The following U2SURP variants were observed in gnomAD, a reference collection of about 807,000 sequenced individuals.
U2SURP encodes U2 snRNP-associated SURP motif-containing protein.
In U2SURP, 9 loss-of-function variants were observed where a neutral mutation model predicts 144.9. The ratio of observed to expected loss-of-function variants is 0.06; its 90% CI spans 0.04 to 0.11. U2SURP has a LOEUF of 0.11. Ranked by LOEUF, U2SURP falls within the 10% of genes least tolerant of loss-of-function variation. The probability of loss-of-function intolerance (pLI) is 1.00; values close to 1 mark genes in which losing one functional copy is unlikely to be tolerated. For missense variants in U2SURP, 724 were observed against 1,226.7 expected (o/e 0.59, Z 6.12); for synonymous variants, 408 against 396.8 (o/e 1.03, Z -0.33).
chr3:143,007,012 TTAAAGTAAAA>T (rs1414095570), intron 1 of U2SURP, among the ~76,000 whole-genome samples: 6 of 152,194 alleles, frequency 3.9e-5, no homozygotes, highest in Non-Finnish European at 7.3e-5. Flanking sequence ...GGGTTTTCAC[TTAAAGTAAAA>T]TTGGAGCAGC....
chr3:143,012,169 T>TTAG (rs1936147137), intron 2 of U2SURP, 53 bp from the exon 3 acceptor site: 2 of 1,583,722 alleles, frequency 1.3e-6, no homozygotes, highest in Non-Finnish European at 1.7e-6. Context: ...TTCAGTGCTA[T>TTAG]ATATGTATAT....
rs1560188181 is a variant in U2SURP at position 143,027,139 on chromosome 3, G to A, written c.1275-10G>A. 1.2e-6 allele frequency: 2 copies of A among 1,605,908 alleles called. No individual in the cohort carries two copies. The highest frequency in any genetic ancestry group is 1.3e-5 in the African/African-American group (1 of 74,812). ...TGAATCCATTTTCTTTAACTGTGTT[G>A]TTGTTGTAGGAATTTGCTCGCCCTG... On this transcript the variant is annotated splice_polypyrimidine_tract_variant and intron_variant, in intron 13 of 27. Transcript: ENST00000473835.
chr3:143,009,461 G>A (rs1936008683), intron 1 of U2SURP, among the ~76,000 whole-genome samples: 1 of 152,086 alleles, frequency 6.6e-6, no homozygotes, highest in African/African-American at 2.4e-5. Context: ...AGCCAGGCAT[G>A]GTGGTGCGTG....
intron 24 of U2SURP, among the ~76,000 whole-genome samples, chr3:143,047,196 G>C (rs1263825911): frequency 1.1e-5 from 1 of 93,188 alleles, no homozygotes; most frequent in Non-Finnish European, 2.0e-5. Flanking sequence ...CCTCCCTCCC[G>C]GACGGGGCGG....
intron 25 of U2SURP, among the ~76,000 whole-genome samples, chr3:143,053,022 G>A (rs1934967211): frequency 6.7e-6 from 1 of 148,514 alleles, no homozygotes; most frequent in Non-Finnish European, 1.5e-5. Context: ...AATTTGCAGT[G>A]TAATTGGTAC....
At chr3:143,041,395 A>T (rs1404648963) in intron 23 of U2SURP, among the ~76,000 whole-genome samples, 1 of 151,960 alleles carries the variant, frequency 6.6e-6, no homozygotes, top group Non-Finnish European at 1.5e-5. Context: ...GAATATTTTT[A>T]AACTGTTGGT....
At chr3:143,043,013 A>G (rs559513332) in intron 23 of U2SURP, 104 bp from the exon 24 acceptor site, 96 of 1,135,008 alleles carry the variant, frequency 8.5e-5, no homozygotes, top group African/African-American at 3.1e-4. Context: ...TGTTTTGGCT[A>G]TGTTATTTAA....
chr3:143,043,686 G>A (rs1934241909), intron 24 of U2SURP, among the ~76,000 whole-genome samples: 1 of 150,060 alleles, frequency 6.7e-6, no homozygotes, highest in Non-Finnish European at 1.5e-5. Context: ...GAGATCCTCT[G>A]AAGAAATGGA....
chr3:143,053,919 C>A, intron 26 of U2SURP, 125 bp downstream of exon 26: 1 of 804,622 alleles, frequency 1.2e-6, no homozygotes, highest in Non-Finnish European at 1.9e-6. Context: ...TGTTTGGGTC[C>A]TGCTTGCAGA....
chr3:143,050,398 C>G (rs1020759788), intron 24 of U2SURP, among the ~76,000 whole-genome samples: 3 of 152,088 alleles, frequency 2.0e-5, no homozygotes, highest in Non-Finnish European at 2.9e-5. Context: ...AGTATTTGCT[C>G]TTACTGTCTC....
intron 1 of U2SURP, among the ~76,000 whole-genome samples, chr3:143,003,351 CAA>C (rs1212321488): frequency 1.3e-5 from 2 of 152,154 alleles, no homozygotes; most frequent in Non-Finnish European, 2.9e-5. Context: ...ATTTTGTTAA[CAA>C]GAGATTTGGG....
chr3:143,059,017 T>G lies in U2SURP; in HGVS notation c.*2567T>G, dbSNP rs149920065. The G allele has an allele frequency of 3.3e-5, 5 of 152,176 alleles. No homozygotes were observed. 9.4% of individuals were successfully genotyped at this position (152,176 alleles called of 1,614,324 possible). ...AATGACATTTAACTCCCCTCTCTTCTGTAGGTGAGAGAAAATAAGTAAGTC... is the reference window on the plus strand; with the variant it reads ...AATGACATTTAACTCCCCTCTCTTCGGTAGGTGAGAGAAAATAAGTAAGTC... On this transcript the variant is annotated 3_prime_UTR_variant, in exon 28 of 28. Coordinates refer to ENST00000473835, the MANE Select transcript of U2SURP (RefSeq NM_001080415.2).
At chr3:143,053,096 C>CT (rs1934970652) in intron 25 of U2SURP, among the ~76,000 whole-genome samples, 1 of 151,944 alleles carries the variant, frequency 6.6e-6, no homozygotes, top group Non-Finnish European at 1.5e-5. Flanking sequence ...CTTTTCTAGC[C>CT]TTTTTTCTTT....
chr3:143,015,435 G>GT (rs71629553), intron 4 of U2SURP, among the ~76,000 whole-genome samples: 102,512 of 151,740 alleles, frequency 0.68, 34,822 homozygotes, highest in African/African-American at 0.75. Context: ...TGGTTTTTCA[G>GT]TTTTTTCCAT....
chr3:143,030,371 G>A (rs1037299478), intron 16 of U2SURP, among the ~76,000 whole-genome samples: 2 of 152,166 alleles, frequency 1.3e-5, no homozygotes, highest in Non-Finnish European at 2.9e-5. Context: ...AATCAACTCT[G>A]CCTGTGCTCT....
intron 1 of U2SURP, among the ~76,000 whole-genome samples, chr3:143,008,776 T>C (rs2108269122): frequency 6.6e-6 from 1 of 152,378 alleles, no homozygotes; most frequent in African/African-American, 2.4e-5. Context: ...TTTGTTACTA[T>C]TGTTTGTTTT....
intron 27 of U2SURP, 29 bp downstream of exon 27, chr3:143,055,148 T>G: frequency 6.6e-7 from 1 of 1,517,812 alleles, no homozygotes; most frequent in Non-Finnish European, 8.8e-7. Flanking sequence ...TGCTAATATT[T>G]CAGATACCAG....
chr3:143,036,470 T>G (rs1578149203), intron 20 of U2SURP, among the ~76,000 whole-genome samples: 1 of 152,238 alleles, frequency 6.6e-6, no homozygotes, highest in East Asian at 1.9e-4. Flanking sequence ...CATCACATGA[T>G]AGCAGATATA....
At chr3:143,034,843 AATTTTAAACATTTT>A (rs780071457) in intron 18 of U2SURP, 31 bp from the exon 19 acceptor site, 38 of 1,296,860 alleles carry the variant, frequency 2.9e-5, no homozygotes, top group Non-Finnish European at 3.9e-5. Flanking sequence ...AAGGGAAAGG[AATTTTAAACATTTT>A]ATTTTAAAGA....
Sources: allele counts gnomAD v4.1 joint callset (sites outside exome capture counted in the v4.1 genomes callset), GRCh38; gene constraint gnomAD v4.1.1; transcripts MANE v1.5; gene names NCBI Gene and HGNC (gene_info 2026-07-23, HGNC 2026-07-21).